ABCB7: variants seen among roughly 807,000 people sequenced by gnomAD.
ABCB7 encodes ATP binding cassette subfamily B member 7, also known as iron-sulfur clusters transporter ABCB7, mitochondrial.
Under a neutral mutation model 54.4 loss-of-function variants are expected in ABCB7, and 7 were observed. That is an observed-to-expected ratio of 0.13 (90% CI 0.07 to 0.24). The LOEUF (loss-of-function observed/expected upper bound fraction) is 0.24. ABCB7 is among the 10% of genes least tolerant of loss of function. The pLI is 1.00. For missense variants in ABCB7, 356 were observed against 570.4 expected, an observed-to-expected ratio of 0.62 and a Z score of 3.83; for synonymous variants, 218 against 207.1, an observed-to-expected ratio of 1.05 and a Z score of -0.45.
At chrX:75,069,188 C>T (rs1219801478) in intron 11 of ABCB7, 52 bp from the exon 12 acceptor site, 14 of 1,199,646 alleles carry the variant, frequency 1.2e-5, no homozygotes, top group South Asian at 7.1e-5. Flanking sequence ...TGTTAGGAAA[C>T]CCCAGTTTTA....
At position 75,070,410 on chromosome X, in the gene ABCB7, A is replaced by G. The variant is rs45598734; in HGVS notation, c.1320T>C (p.Asp440=). ...TGAGTAGAGTAAACAAGGTGTTCATATCTATGAGTGCTTGTCTAGTCTCTC... is the reference window on the plus strand; with the variant it reads ...TGAGTAGAGTAAACAAGGTGTTCATGTCTATGAGTGCTTGTCTAGTCTCTC... ...VYRETRQALI[D]MNTLFTLLKV... Residue 440 remains aspartate (D), a synonymous_variant, in exon 10 of 16, where the codon GAT becomes GAC. Coordinates refer to ENST00000373394, the MANE Select transcript of ABCB7 (RefSeq NM_001271696.3). The G allele has an allele frequency of 0.014, 17,168 of 1,208,115 alleles. 93 individuals carry two copies. The highest frequency in any genetic ancestry group is 0.016 in the Non-Finnish European group (14,543 of 894,110).
In ABCB7 at chrX:75,153,747, C is replaced by CGT. The variant is rs199846045; in HGVS notation, c.168+2356_168+2357dup. 2.1e-3 allele frequency among the ~76,000 whole-genome samples: 30 copies of CGT among 14,319 alleles called. 2 individuals carry two copies. Among genetic ancestry groups the CGT allele is most frequent in the African/African-American group, 3.6e-3 (29 of 8,129 alleles). The allele number at this position is 14,319 out of a possible 115,157, so 12.4% of individuals were successfully genotyped here. On this transcript the variant is annotated intron_variant, in intron 1 of 15. Transcript: ENST00000373394. ...GTGGGACTGTGTGTGTGTGTGTGTG[C>CGT]GTGTGTGTGTGTGTATATATATATA...
At position 75,098,950 on chromosome X, in the gene ABCB7, C is replaced by A. The variant is rs1262445647; in HGVS notation, c.445G>T (p.Gly149Cys). The change falls in exon 4 of 16, where the codon GGT (glycine) becomes TGT (cysteine). Residue 149 changes from glycine to cysteine, a missense_variant. Gly to Cys is a radical substitution (Grantham distance 159, BLOSUM62 -3). Transcript: ENST00000373394. Reference sequence around the variant, plus strand: ...AATGCATAATTTCTTACCTTTGCACCACCCAAAAATCCCAGCGAAATGGCA... The same window carrying A: ...AATGCATAATTTCTTACCTTTGCACAACCCAAAAATCCCAGCGAAATGGCA... ...RVAISLGFLGGAKAMNIVVPF... is the reference protein window; with the variant it reads ...RVAISLGFLGCAKAMNIVVPF... 1.7e-6 allele frequency: 2 copies of A among 1,209,488 alleles called. No homozygotes were observed.
chrX:75,113,445 A>G (rs957973442), intron 2 of ABCB7, among the ~76,000 whole-genome samples: 2 of 112,171 alleles, frequency 1.8e-5, no homozygotes, highest in African/African-American at 6.5e-5. Flanking sequence ...GCTCATATAT[A>G]CATTTAGAAA....
intron 1 of ABCB7, among the ~76,000 whole-genome samples, chrX:75,135,438 AT>A (rs745671640): frequency 8.9e-6 from 1 of 111,772 alleles, no homozygotes; most frequent in Admixed American, 9.5e-5. Context: ...AATTCAAAAA[AT>A]AGAAGAGGAG....
chrX:75,054,541 T>A (rs900177189), intron 15 of ABCB7, among the ~76,000 whole-genome samples: 1 of 111,187 alleles, frequency 9.0e-6, no homozygotes, highest in Non-Finnish European at 1.9e-5. Context: ...TTTTCTTATA[T>A]AGTCTTTTAA....
chrX:75,076,432 G>A (rs2081409591), intron 5 of ABCB7, 90 bp downstream of exon 5: 4 of 1,081,565 alleles, frequency 3.7e-6, no homozygotes, highest in Middle Eastern at 2.5e-4. Context: ...GCTAAGTTGT[G>A]TTTGTAGTGA....
intron 1 of ABCB7, among the ~76,000 whole-genome samples, chrX:75,141,071 T>C (rs758686836): frequency 3.6e-5 from 4 of 111,684 alleles, no homozygotes; most frequent in Non-Finnish European, 7.5e-5. Flanking sequence ...CTTGTCAATA[T>C]GTTGGCATTT....
chrX:75,095,618 A>C (rs192573494), intron 4 of ABCB7, among the ~76,000 whole-genome samples: 1 of 112,428 alleles, frequency 8.9e-6, no homozygotes. Context: ...GTAAAAAGAA[A>C]ATTGTTTTCT....
chrX:75,061,126 A>C (rs1227809731), intron 14 of ABCB7, among the ~76,000 whole-genome samples: 1 of 111,983 alleles, frequency 8.9e-6, no homozygotes, highest in Non-Finnish European at 1.9e-5. Flanking sequence ...GACTGATAAT[A>C]AGGTACAAGG....
intron 1 of ABCB7, among the ~76,000 whole-genome samples, chrX:75,120,612 A>C (rs2081869454): frequency 9.0e-6 from 1 of 110,600 alleles, no homozygotes; most frequent in African/African-American, 3.3e-5. Flanking sequence ...AAAAATAAAT[A>C]AATAAATAAA....
chrX:75,123,264 C>T (rs1215016103), intron 1 of ABCB7, among the ~76,000 whole-genome samples: 1 of 111,388 alleles, frequency 9.0e-6, no homozygotes, highest in East Asian at 2.8e-4. Context: ...CCTGTTTTCC[C>T]AACATGATTT....
intron 6 of ABCB7, 119 bp downstream of exon 6, chrX:75,075,243 G>C (rs2081398404): frequency 1.3e-6 from 1 of 780,110 alleles, no homozygotes; most frequent in African/African-American, 2.1e-5. Context: ...AATATTTCTG[G>C]CATCATGGAA....
rs2081510970 is a variant in ABCB7, at chrX:75,087,809, T to C, written c.453+11133A>G. The stretch of plus-strand genomic sequence containing the variant: ...TCATTGTCATTTTCAATAACAGACA[T>C]CTAAAAGCTAGAGATCATAATATCC... On this transcript the variant is annotated intron_variant, in intron 4 of 15. Transcript: ENST00000373394. Among the ~76,000 whole-genome samples, 4 of 112,089 alleles carry C rather than the reference T, an allele frequency of 3.6e-5. No homozygotes were observed. The South Asian group carries it at 1.5e-3, about 42-fold the overall frequency.
At chrX:75,110,454 C>T (rs753712504) in intron 3 of ABCB7, among the ~76,000 whole-genome samples, 32 of 111,552 alleles carry the variant, frequency 2.9e-4, no homozygotes, top group African/African-American at 1.0e-3. Context: ...AGTTTTAATA[C>T]CAATTTTTAA....
intron 14 of ABCB7, 117 bp downstream of exon 14, chrX:75,062,211 T>C: frequency 1.6e-6 from 1 of 623,109 alleles, no homozygotes; most frequent in Non-Finnish European, 2.6e-6. Context: ...GGCATTTTGC[T>C]CTATAGCACT....
chrX:75,075,534 T>C lies in ABCB7; in HGVS notation c.683A>G (p.Asn228Ser). The C allele has an allele frequency of 1.7e-6, 2 of 1,211,064 alleles. No individual in the cohort carries two copies. Among genetic ancestry groups the C allele is most frequent in the Non-Finnish European group, 2.2e-6 (2 of 895,127 alleles). Residue 228 changes from asparagine to serine, a missense_variant, in exon 6 of 16, where the codon AAT becomes AGT. Coordinates refer to ENST00000373394, the MANE Select transcript of ABCB7 (RefSeq NM_001271696.3). Reference sequence around the variant, plus strand: ...CAGGTTGTGAAGATGGAGAAAGACATTTTTGGCTATTCTTCGGATTGAATT... The same window carrying C: ...CAGGTTGTGAAGATGGAGAAAGACACTTTTGGCTATTCTTCGGATTGAATT... ...AQNSIRRIAK[N>S]VFLHLHNLDL...
At chrX:75,106,739 C>A (rs1014163373) in intron 3 of ABCB7, among the ~76,000 whole-genome samples, 1 of 111,474 alleles carries the variant, frequency 9.0e-6, no homozygotes, top group Non-Finnish European at 1.9e-5. Context: ...ATGGAATCAA[C>A]CTAAATGTCC....
In ABCB7 at chrX:75,070,550, T is replaced by C. The variant is rs538856443; in HGVS notation, c.1208-28A>G. 1.7e-4 allele frequency: 203 copies of C among 1,184,721 alleles called. No individual in the cohort carries two copies. The South Asian group carries it at 3.4e-3, about 20-fold the overall frequency. ...TAAAAGGCAGAAGAAAAAAAGGGTA[T>C]TTTAGATAAATGTTACATACTTTTC... On this transcript the variant is annotated intron_variant, in intron 9 of 15. Coordinates refer to ENST00000373394, the MANE Select transcript of ABCB7 (RefSeq NM_001271696.3).
Sources: gnomAD v4.1 joint callset for allele counts (sites outside exome capture counted in the v4.1 genomes callset) on GRCh38, gnomAD v4.1.1 for gene constraint, MANE v1.5 for transcripts, NCBI Gene and HGNC (gene_info 2026-07-23, HGNC 2026-07-21) for gene names.